FHL1: variants seen among roughly 807,000 people sequenced by gnomAD.
FHL1 encodes four and a half LIM domains 1.
Under a neutral mutation model 20.3 loss-of-function variants are expected in FHL1, and 1 was observed. The observed-to-expected ratio is 0.05, with a 90% CI of 0.02 to 0.23. FHL1 has a LOEUF of 0.23. FHL1 is among the 10% of genes least tolerant of loss of function. The probability of loss-of-function intolerance (pLI) is 1.00; values close to 1 mark genes in which losing one functional copy is unlikely to be tolerated. For synonymous variants in FHL1, 82 were observed against 88.9 expected (o/e 0.92, Z 0.44); for missense variants, 177 against 234.0 (o/e 0.76, Z 1.59).
intron 1 of FHL1, among the ~76,000 whole-genome samples, chrX:136,149,558 CAT>C (rs2072208208): frequency 8.9e-6 from 1 of 112,033 alleles, no homozygotes; most frequent in Non-Finnish European, 1.9e-5. Flanking sequence ...CTAAGACTAT[CAT>C]ATAGATTCTG....
At chrX:136,204,276 A>G (rs2073785880) in intron 1 of FHL1, among the ~76,000 whole-genome samples, 1 of 112,644 alleles carries the variant, frequency 8.9e-6, no homozygotes, top group Non-Finnish European at 1.9e-5. Flanking sequence ...TGAGGGCACA[A>G]TATTATCAGT....
intron 1 of FHL1, among the ~76,000 whole-genome samples, chrX:136,205,264 C>T (rs1027524934): frequency 2.7e-5 from 3 of 111,109 alleles, no homozygotes; most frequent in South Asian, 3.8e-4. Context: ...GGATTGCAGG[C>T]GTGTTGTCTA....
At chrX:136,173,042 C>G (rs1338219976) in intron 2 of FHL1, among the ~76,000 whole-genome samples, 1 of 112,741 alleles carries the variant, frequency 8.9e-6, no homozygotes, top group African/African-American at 3.2e-5. Flanking sequence ...CTATTTTGTT[C>G]TTTTAAGTGA....
In FHL1 at chrX:136,147,722, C is replaced by G. The variant is rs374235006; in HGVS notation, c.-101+94C>G. 0.014 allele frequency: 1,529 copies of G among 108,526 alleles called. 16 individuals are homozygous for G. The highest frequency in any genetic ancestry group is 0.021 in the African/African-American group (618 of 29,789). The allele number at this position is 108,526 out of a possible 1,213,427, so 8.9% of individuals were successfully genotyped here. A position where few individuals can be genotyped will look rare whatever the true frequency, so the allele number is the denominator to read the frequency against. On this transcript the variant is annotated intron_variant, in intron 1 of 7. Coordinates refer to the FHL1 transcript ENST00000394155. The stretch of plus-strand genomic sequence containing the variant: ...GGGAGCGGCTGCCCTTCTGCCCCGC[C>G]GCCGCCGCCGCTCGGGGCTGGTCCC...
chrX:136,147,227 C>T (rs1441288670), upstream of FHL1, among the ~76,000 whole-genome samples: 7 of 108,976 alleles, frequency 6.4e-5, no homozygotes, highest in Non-Finnish European at 1.4e-4. Flanking sequence ...CCACCGCGTC[C>T]CCGCAGCCAC....
At position 136,157,455 on chromosome X, in the gene FHL1, A is replaced by G. The variant is rs771291286; in HGVS notation, c.-101+9827A>G. Reference sequence around the variant, plus strand: ...GGCCTTTGTTAGAGCCACTTTTAAAATATCAACTTCACCGAGCATGATTTA... The same window carrying G: ...GGCCTTTGTTAGAGCCACTTTTAAAGTATCAACTTCACCGAGCATGATTTA... On this transcript the variant is annotated intron_variant, in intron 1 of 7. Coordinates refer to the FHL1 transcript ENST00000394155. 1.9e-4 allele frequency among the ~76,000 whole-genome samples: 21 copies of G among 112,207 alleles called. No individual in the cohort carries two copies. The East Asian group carries it at 5.6e-3, about 30-fold the overall frequency.
chrX:136,174,021 C>CATG (rs1283228118), intron 2 of FHL1, among the ~76,000 whole-genome samples: 6 of 111,904 alleles, frequency 5.4e-5, no homozygotes, highest in Admixed American at 1.9e-4. Context: ...TTAGCTAGAG[C>CATG]ATGAACTCTG....
In FHL1 at chrX:136,199,623, T is replaced by C. The variant is rs185263560; in HGVS notation, c.22+2489T>C. ...GTTGAATGTTCTGAGGAAAGCATTA[T>C]ACCCTTTCTTTAGAAGCCAGTGTTT... On this transcript the variant is annotated intron_variant, in intron 1 of 5. Coordinates refer to ENST00000370683, the MANE Select transcript of FHL1 (RefSeq NM_001159699.2). Among the ~76,000 whole-genome samples, 75 of 112,690 alleles carry C rather than the reference T, an allele frequency of 6.7e-4. 1 individual carries two copies. The highest frequency in any genetic ancestry group is 2.3e-3 in the African/African-American group (70 of 31,074).
chrX:136,167,610 T>C (rs939143297), upstream of FHL1, among the ~76,000 whole-genome samples: 7 of 111,000 alleles, frequency 6.3e-5, no homozygotes, highest in South Asian at 3.9e-4. Context: ...AATATGAAAA[T>C]GTTTTCTGGA....
upstream of FHL1, chrX:136,169,505 TAAA>T (rs2072801191): frequency 3.5e-5 from 7 of 198,980 alleles, no homozygotes; most frequent in East Asian, 2.6e-4. Flanking sequence ...CTAAAGATGT[TAAA>T]AGAGAGAGAG....
chrX:136,146,795 G>T, upstream of FHL1: 1 of 329,417 alleles, frequency 3.0e-6, no homozygotes, highest in Non-Finnish European at 5.9e-6. Flanking sequence ...GAGACGCCAC[G>T]CGCCGCTTTG....
At chrX:136,173,097 A>G (rs2072916354) in intron 2 of FHL1, among the ~76,000 whole-genome samples, 1 of 112,688 alleles carries the variant, frequency 8.9e-6, no homozygotes, top group South Asian at 3.6e-4. Flanking sequence ...GATAAACTTT[A>G]TTATTCAGAA....
At chrX:136,150,144 T>G (rs189515700) in intron 1 of FHL1, among the ~76,000 whole-genome samples, 500 of 112,218 alleles carry the variant, frequency 4.5e-3, no homozygotes, top group African/African-American at 0.015. Context: ...ATTTCAGGAA[T>G]TAACAGAAGT....
chrX:136,152,580 G>T (rs1451061736), intron 1 of FHL1, among the ~76,000 whole-genome samples: 1 of 110,304 alleles, frequency 9.1e-6, no homozygotes, highest in African/African-American at 3.3e-5. Flanking sequence ...TTAGCCAGGC[G>T]TGGTAGTGGG....
chrX:136,155,794 T>C, intron 1 of FHL1, among the ~76,000 whole-genome samples: 1 of 92,973 alleles, frequency 1.1e-5, no homozygotes. Flanking sequence ...TGTGGACTGT[T>C]TGAAATGCAG....
At chrX:136,162,143 A>AAAAAAAAC (rs2072586883) in intron 1 of FHL1, among the ~76,000 whole-genome samples, 1 of 106,503 alleles carries the variant, frequency 9.4e-6, no homozygotes, top group Non-Finnish European at 1.9e-5. Flanking sequence ...AAAAAAAAAA[A>AAAAAAAAC]GTACTAGCGA....
Position 136,197,079 on chromosome X carries a change from T to C in FHL1, c.-34T>C. 8.3e-7 allele frequency: 1 copy of C among 1,203,474 alleles called. No homozygotes were observed. Among genetic ancestry groups the C allele is most frequent in the East Asian group, 3.0e-5 (1 of 33,745 alleles). On this transcript the variant is annotated 5_prime_UTR_variant, in exon 1 of 6. Transcript: ENST00000370683. Reference sequence around the variant, plus strand: ...TCAGCTGGGGTTGAGGGAAGACTGGTCTAGGTGCTGCTCCTGAACTTGGTC... The same window carrying C: ...TCAGCTGGGGTTGAGGGAAGACTGGCCTAGGTGCTGCTCCTGAACTTGGTC...
Position 136,211,234 on chromosome X carries a change from A to C in FHL1, c.*1209A>C, listed in dbSNP as rs1282777276. On this transcript the variant is annotated 3_prime_UTR_variant, in exon 6 of 6. Transcript: ENST00000370683. ...AAAAGTAAACATGTAATGACAATAC[A>C]TACTAACATTCTTGTAGGAGTGGTT... 2.8e-6 allele frequency: 1 copy of C among 351,054 alleles called. No homozygotes were observed. Among genetic ancestry groups the C allele is most frequent in the Admixed American group, 3.1e-5 (1 of 32,342 alleles). 28.9% of individuals were successfully genotyped at this position (351,054 alleles called of 1,213,427 possible).
In FHL1 at chrX:136,210,084, C is replaced by T; in HGVS notation, c.*59C>T. 1 of 1,193,568 alleles carries T rather than the reference C, an allele frequency of 8.4e-7. No homozygotes were observed. Among genetic ancestry groups the T allele is most frequent in the Non-Finnish European group, 1.1e-6 (1 of 879,211 alleles). ...TTGAATCTCGTTCTTTGTGTCCTTA[C>T]TTTCTGCCCTATACCATCAATAGGG... On this transcript the variant is annotated 3_prime_UTR_variant, in exon 6 of 6. Transcript: ENST00000370683.
Sources: gnomAD v4.1 joint callset for allele counts (sites outside exome capture counted in the v4.1 genomes callset) on GRCh38, gnomAD v4.1.1 for gene constraint, MANE v1.5 for transcripts, NCBI Gene and HGNC (gene_info 2026-07-23, HGNC 2026-07-21) for gene names.